PPIP5K2: variants seen among roughly 807,000 people sequenced by gnomAD.
The protein encoded by PPIP5K2 is inositol hexakisphosphate and diphosphoinositol-pentakisphosphate kinase 2.
PPIP5K2 carries 105 observed loss-of-function variants against 154.6 expected under a neutral mutation model. The ratio of observed to expected loss-of-function variants is 0.68; its 90% CI spans 0.58 to 0.80. PPIP5K2 has a LOEUF of 0.80. Ranked by LOEUF, PPIP5K2 falls within the 30% of genes least tolerant of loss-of-function variation. The probability of loss-of-function intolerance (pLI) is 0.00; values close to 1 mark genes in which losing one functional copy is unlikely to be tolerated. For synonymous variants in PPIP5K2, 480 were observed against 490.3 expected, an observed-to-expected ratio of 0.98 and a Z score of 0.28; for missense variants, 992 against 1,504.6, an observed-to-expected ratio of 0.66 and a Z score of 5.64.
chr5:103,172,480 T>G (rs1286290424), intron 19 of PPIP5K2, among the ~76,000 whole-genome samples: 1 of 151,254 alleles, frequency 6.6e-6, no homozygotes, highest in Non-Finnish European at 1.5e-5. Flanking sequence ...TTCCCTTTTC[T>G]CCCTCTTTCC....
chr5:103,131,733 A>G (rs1322799373), intron 2 of PPIP5K2, among the ~76,000 whole-genome samples: 1 of 152,152 alleles, frequency 6.6e-6, no homozygotes, highest in Non-Finnish European at 1.5e-5. Flanking sequence ...TAAGACTTCA[A>G]AGATGTGACT....
intron 29 of PPIP5K2, 53 bp from the exon 30 acceptor site, chr5:103,194,847 G>C: frequency 6.4e-7 from 1 of 1,558,520 alleles, no homozygotes. Context: ...ATGATGTTAA[G>C]AGATAATTGG....
chr5:103,174,004 A>G, intron 21 of PPIP5K2, 32 bp downstream of exon 21: 1 of 1,424,286 alleles, frequency 7.0e-7, no homozygotes, highest in Non-Finnish European at 9.7e-7. Flanking sequence ...AGTCTAACAA[A>G]TATATTTAAT....
At chr5:103,137,109 C>T (rs1791635118) in intron 4 of PPIP5K2, among the ~76,000 whole-genome samples, 1 of 151,846 alleles carries the variant, frequency 6.6e-6, no homozygotes, top group Admixed American at 6.6e-5. Context: ...CTTATGAGCA[C>T]TTTTTCTGTC....
chr5:103,149,075 T>C, intron 7 of PPIP5K2, 77 bp from the exon 8 acceptor site: 1 of 1,114,750 alleles, frequency 9.0e-7, no homozygotes, highest in Non-Finnish European at 1.2e-6. Flanking sequence ...TTTTTCATTG[T>C]ATTTGTTGTC....
intron 27 of PPIP5K2, among the ~76,000 whole-genome samples, chr5:103,186,946 AT>A (rs1187959382): frequency 6.6e-6 from 1 of 152,102 alleles, no homozygotes; most frequent in Non-Finnish European, 1.5e-5. Flanking sequence ...AATATTAAGA[AT>A]TTTTTAAGGC....
chr5:103,162,275 A>G (rs1388707803), intron 17 of PPIP5K2, among the ~76,000 whole-genome samples: 13 of 150,712 alleles, frequency 8.6e-5, no homozygotes, highest in Non-Finnish European at 7.4e-5. Flanking sequence ...TCTGGATATG[A>G]GTTCTTTGTT....
At position 103,205,413 on chromosome 5, in the gene PPIP5K2, C is replaced by T. The variant is rs1048851224; in HGVS notation, c.*3779C>T. On this transcript the variant is annotated 3_prime_UTR_variant, in exon 31 of 31. Coordinates refer to ENST00000358359, the MANE Select transcript of PPIP5K2 (RefSeq NM_001276277.3). ...TTCTAGTTCTAGATCCTTGAGGAAT[C>T]GCCACACTGTCTTCCACAATGGTTG... 2 of 152,176 alleles carry T rather than the reference C, an allele frequency of 1.3e-5. No individual in the cohort carries two copies. The highest frequency in any genetic ancestry group is 6.5e-5 in the Admixed American group (1 of 15,274). 9.4% of individuals were successfully genotyped at this position (152,176 alleles called of 1,614,324 possible).
intron 17 of PPIP5K2, among the ~76,000 whole-genome samples, chr5:103,162,537 A>C (rs1296113741): frequency 2.0e-5 from 3 of 151,376 alleles, no homozygotes; most frequent in Admixed American, 2.0e-4. Flanking sequence ...TAACTTTTTA[A>C]ATTTTTGTAG....
At position 103,201,578 on chromosome 5, in the gene PPIP5K2, A is replaced by T; in HGVS notation, c.3676A>T (p.Ile1226Leu). The T allele has an allele frequency of 6.2e-7, 1 of 1,611,568 alleles. No individual in the cohort carries two copies. Among genetic ancestry groups the T allele is most frequent in the Non-Finnish European group, 8.5e-7 (1 of 1,179,042 alleles). ...VPNTSSRKKN[I>L]TSKTETHEHK... is the part of the protein sequence containing the mutation. ...TAATACCTCATCTCGGAAAAAGAATATAACTAGCAAAACAGAAACGCATGA... is the reference window on the plus strand; with the variant it reads ...TAATACCTCATCTCGGAAAAAGAATTTAACTAGCAAAACAGAAACGCATGA... Residue 1226 changes from isoleucine (I) to leucine (L), a missense_variant, in exon 31 of 31, where the codon ATA becomes TTA. By Grantham distance (5) the Ile-to-Leu change is conservative. Transcript: ENST00000358359.
intron 3 of PPIP5K2, among the ~76,000 whole-genome samples, chr5:103,136,417 T>G (rs1562379113): frequency 6.6e-6 from 1 of 152,240 alleles, no homozygotes. Context: ...TATTTACATA[T>G]AGATTTCTCT....
chr5:103,200,593 G>A (rs1802819084), intron 30 of PPIP5K2, among the ~76,000 whole-genome samples: 1 of 151,036 alleles, frequency 6.6e-6, no homozygotes, highest in Non-Finnish European at 1.5e-5. Flanking sequence ...ATAATGTAAT[G>A]CCACCTAGAA....
chr5:103,123,503 A>G (rs1360819600), intron 1 of PPIP5K2, among the ~76,000 whole-genome samples: 1 of 152,224 alleles, frequency 6.6e-6, no homozygotes, highest in African/African-American at 2.4e-5. Context: ...ATGTTTGAGA[A>G]CTACTGCATT....
At chr5:103,199,232 A>G (rs2149846338) in intron 30 of PPIP5K2, among the ~76,000 whole-genome samples, 1 of 152,118 alleles carries the variant, frequency 6.6e-6, no homozygotes, top group East Asian at 1.9e-4. Flanking sequence ...TATTTGCCAT[A>G]TTTTTTGCTC....
chr5:103,189,461 CGTTAA>C (rs147893549), intron 28 of PPIP5K2, among the ~76,000 whole-genome samples: 6,353 of 152,080 alleles, frequency 0.042, 430 homozygotes, highest in African/African-American at 0.15. Context: ...AAGATCTCAT[CGTTAA>C]GTTTAGTGTA....
intron 10 of PPIP5K2, among the ~76,000 whole-genome samples, chr5:103,152,973 A>G (rs1392323084): frequency 6.6e-6 from 1 of 152,010 alleles, no homozygotes; most frequent in Admixed American, 6.5e-5. Context: ...TTGTTTAATC[A>G]AGCCATAAAA....
chr5:103,124,865 T>C (rs1008363394), intron 1 of PPIP5K2, among the ~76,000 whole-genome samples: 31 of 152,220 alleles, frequency 2.0e-4, no homozygotes, highest in African/African-American at 6.5e-4. Flanking sequence ...ACAAGTAAGG[T>C]ACTTACTAGG....
At chr5:103,122,106 G>A (rs1788867132) in intron 1 of PPIP5K2, among the ~76,000 whole-genome samples, 2 of 152,206 alleles carry the variant, frequency 1.3e-5, no homozygotes, top group African/African-American at 4.8e-5. Context: ...GTGTCTGTGT[G>A]TATAAATAGC....
At chr5:103,201,072 G>T (rs1335544637) in intron 30 of PPIP5K2, among the ~76,000 whole-genome samples, 1 of 152,194 alleles carries the variant, frequency 6.6e-6, no homozygotes, top group African/African-American at 2.4e-5. Context: ...GATACAAGAG[G>T]AAATAGATGC....
Sources: gnomAD v4.1 joint callset for allele counts (sites outside exome capture counted in the v4.1 genomes callset) on GRCh38, gnomAD v4.1.1 for gene constraint, MANE v1.5 for transcripts, NCBI Gene and HGNC (gene_info 2026-07-23, HGNC 2026-07-21) for gene names.